Variants in RFX7 observed in about 807,000 individuals in gnomAD.
The protein encoded by RFX7 is regulatory factor X7.
A neutral mutation model predicts 111.8 loss-of-function variants in RFX7; 26 were observed. That is an observed-to-expected ratio of 0.23 (90% CI 0.17 to 0.32). RFX7 has a LOEUF of 0.32. Among genes scored for constraint, RFX7 ranks in the 10% least tolerant of loss-of-function variants. The pLI is 1.00. For missense variants in RFX7, 1,573 were observed against 1,772.9 expected, an observed-to-expected ratio of 0.89 and a Z score of 2.02; for synonymous variants, 624 against 624.4, an observed-to-expected ratio of 1.00 and a Z score of 0.01.
intron 7 of RFX7, 38 bp downstream of exon 7, chr15:56,102,131 C>T (rs1164818396): frequency 2.8e-6 from 4 of 1,439,544 alleles, no homozygotes; most frequent in Non-Finnish European, 3.9e-6. Context: ...TATAAAGGTA[C>T]AATTTTACTT....
At chr15:56,188,728 T>C (rs1567041264) in intron 2 of RFX7, among the ~76,000 whole-genome samples, 1 of 152,198 alleles carries the variant, frequency 6.6e-6, no homozygotes, top group South Asian at 2.1e-4. Flanking sequence ...CCTCATACTA[T>C]AGAAAAATTT....
At chr15:56,097,673 G>A (rs2041697824) in intron 9 of RFX7, among the ~76,000 whole-genome samples, 1 of 145,218 alleles carries the variant, frequency 6.9e-6, no homozygotes, top group South Asian at 2.3e-4. Context: ...CTTGAACTCA[G>A]GAGGTGGAGG....
At chr15:56,220,988 C>T (rs1283768585) in intron 2 of RFX7, among the ~76,000 whole-genome samples, 1 of 152,156 alleles carries the variant, frequency 6.6e-6, no homozygotes, top group East Asian at 1.9e-4. Flanking sequence ...CAGATGGTTT[C>T]AGGTGTATGG....
At position 56,157,256 on chromosome 15, in the gene RFX7, T is replaced by C. The variant is rs901232432; in HGVS notation, c.196-12773A>G. The stretch of plus-strand genomic sequence containing the variant: ...ATCTTTTCATTCATAATCTGAGCTT[T>C]TGGTCTTTTGTTTTTGAAATTTTCC... On this transcript the variant is annotated intron_variant, in intron 3 of 9. Transcript: ENST00000559447. Among the ~76,000 whole-genome samples the C allele has an allele frequency of 3.3e-5, 5 of 152,208 alleles. No individual in the cohort carries two copies. In the East Asian group the frequency reaches 9.6e-4, roughly 29 times the overall value.
chr15:56,136,047 T>C (rs1194811577), intron 5 of RFX7, among the ~76,000 whole-genome samples: 5 of 152,054 alleles, frequency 3.3e-5, no homozygotes, highest in African/African-American at 9.7e-5. Context: ...AGTCAGGTAG[T>C]GTGATGCCTC....
At chr15:56,174,178 T>C (rs1417415604) in intron 3 of RFX7, among the ~76,000 whole-genome samples, 1 of 152,086 alleles carries the variant, frequency 6.6e-6, no homozygotes, top group Non-Finnish European at 1.5e-5. Flanking sequence ...CTTGGGAGGC[T>C]GAGGCAGGAG....
rs746325351 is a variant in RFX7 at position 56,094,145 on chromosome 15, G to A, written c.3583C>T (p.Pro1195Ser). The change falls in exon 10 of 10, where the codon CCC (proline) becomes TCC (serine). Residue 1195 changes from proline (P) to serine (S), a missense_variant. Pro to Ser is a moderately conservative substitution (Grantham distance 74). Transcript: ENST00000559447. The part of the protein sequence containing the change: ...VSNIPRSNVT[P>S]FGSPVTPEVH... ...TCTGGGGTAACTGGACTTCCAAAGG[G>A]GGTCACATTAGATCGTGGGATATTA... 1.2e-6 allele frequency: 2 copies of A among 1,613,972 alleles called. No homozygotes were observed. The highest frequency in any genetic ancestry group is 1.7e-6 in the Non-Finnish European group (2 of 1,179,876).
At chr15:56,155,766 T>A (rs184322584) in intron 3 of RFX7, among the ~76,000 whole-genome samples, 19 of 150,922 alleles carry the variant, frequency 1.3e-4, no homozygotes, top group South Asian at 6.2e-4. Flanking sequence ...AAAGTATATT[T>A]AAAAAAATGT....
At chr15:56,100,431 T>A (rs1184244453) in intron 8 of RFX7, among the ~76,000 whole-genome samples, 3 of 151,978 alleles carry the variant, frequency 2.0e-5, no homozygotes, top group East Asian at 3.9e-4. Flanking sequence ...CACACATACA[T>A]CCCACATACT....
intron 4 of RFX7, among the ~76,000 whole-genome samples, chr15:56,143,473 C>T (rs565994207): frequency 2.6e-5 from 4 of 151,968 alleles, no homozygotes; most frequent in African/African-American, 9.7e-5. Context: ...CAAATCTCCC[C>T]CTACAATCCT....
chr15:56,136,332 A>T (rs12916150), intron 5 of RFX7, among the ~76,000 whole-genome samples: 1 of 128,690 alleles, frequency 7.8e-6, no homozygotes, highest in South Asian at 2.9e-4. Flanking sequence ...GGTCCTTCAC[A>T]TCCCTTGTAA....
intron 2 of RFX7, among the ~76,000 whole-genome samples, chr15:56,233,747 C>A (rs1422631602): frequency 2.6e-5 from 4 of 152,080 alleles, no homozygotes; most frequent in African/African-American, 9.7e-5. Context: ...TGTGAAAGGC[C>A]AAGTTTAAGG....
At chr15:56,136,601 C>G (rs2042306406) in intron 5 of RFX7, among the ~76,000 whole-genome samples, 1 of 151,504 alleles carries the variant, frequency 6.6e-6, no homozygotes, top group Non-Finnish European at 1.5e-5. Context: ...AATTGAATAC[C>G]CTTTATTTCC....
intron 2 of RFX7, among the ~76,000 whole-genome samples, chr15:56,239,498 C>T (rs1374319576): frequency 1.3e-5 from 2 of 152,070 alleles, no homozygotes; most frequent in African/African-American, 4.8e-5. Flanking sequence ...AACTCCTGAC[C>T]TCAGGTGATC....
intron 5 of RFX7, among the ~76,000 whole-genome samples, chr15:56,118,943 A>G (rs565327573): frequency 1.3e-5 from 2 of 152,324 alleles, no homozygotes; most frequent in South Asian, 4.1e-4. Context: ...CTAATGAACA[A>G]TGATGTTGAG....
At chr15:56,108,589 A>G (rs1450284040) in intron 5 of RFX7, among the ~76,000 whole-genome samples, 1 of 152,218 alleles carries the variant, frequency 6.6e-6, no homozygotes, top group Admixed American at 6.5e-5. Context: ...CACAGCCAAT[A>G]TCATACTGAA....
At chr15:56,161,069 A>T (rs2042714539) in intron 3 of RFX7, among the ~76,000 whole-genome samples, 1 of 152,106 alleles carries the variant, frequency 6.6e-6, no homozygotes, top group Non-Finnish European at 1.5e-5. Flanking sequence ...TTTTCTGTTC[A>T]AAATATTCTG....
intron 3 of RFX7, among the ~76,000 whole-genome samples, chr15:56,159,167 C>A (rs1754592612): frequency 6.6e-6 from 1 of 152,196 alleles, no homozygotes; most frequent in South Asian, 2.1e-4. Flanking sequence ...TTGTAAATAA[C>A]AGAAGTTCCC....
chr15:56,149,453 C>T (rs532488469), intron 3 of RFX7, among the ~76,000 whole-genome samples: 24 of 152,260 alleles, frequency 1.6e-4, no homozygotes, highest in Middle Eastern at 3.4e-3. Flanking sequence ...CAATTCCCAG[C>T]GAGATTGATG....
Sources: allele counts gnomAD v4.1 joint callset (sites outside exome capture counted in the v4.1 genomes callset), GRCh38; gene constraint gnomAD v4.1.1; transcripts MANE v1.5; gene names NCBI Gene and HGNC (gene_info 2026-07-23, HGNC 2026-07-21).